MGST1: variants seen among roughly 807,000 people sequenced by gnomAD.
MGST1 encodes microsomal glutathione S-transferase 1.
Under a neutral mutation model 8.9 loss-of-function variants are expected in MGST1, and 5 were observed. The observed-to-expected ratio is 0.56, with a 90% CI of 0.29 to 1.19. The LOEUF is 1.19. MGST1 is among the 50% of genes most tolerant of loss of function. MGST1 has a pLI of 0.08. For synonymous variants in MGST1, 54 were observed against 67.8 expected (o/e 0.80, Z 1.00); for missense variants, 182 against 187.4 (o/e 0.97, Z 0.17).
At chr12:16,347,491 G>A (rs1341277360), upstream of MGST1, among the ~76,000 whole-genome samples, 1 of 152,116 alleles carries the variant, frequency 6.6e-6, no homozygotes, top group African/African-American at 2.4e-5. The surrounding 1 kb of genome is among the most constrained non-coding windows in gnomAD (Gnocchi z 4.0). Context: ...GGGCTCAAAG[G>A]GAATCAGCAG....
chr12:16,416,793 T>G lies in MGST1; in HGVS notation n.779-20595T>G, dbSNP rs59986151. Among the ~76,000 whole-genome samples the G allele has an allele frequency of 1.7e-3, 252 of 152,314 alleles. 1 individual carries two copies. Among genetic ancestry groups the G allele is most frequent in the African/African-American group, 5.8e-3 (242 of 41,582 alleles). ...GTTGTTGTAGACTGGAGAGAAGCAT[T>G]GAGAAAGAATTCTCAAAGATTGGAG... On this transcript the variant is annotated intron_variant and non_coding_transcript_variant, in intron 1 of 1. Transcript: ENST00000359720.
intron 4 of MGST1, among the ~76,000 whole-genome samples, chr12:16,445,716 G>A (rs1191169434): frequency 6.6e-6 from 1 of 151,906 alleles, no homozygotes; most frequent in Non-Finnish European, 1.5e-5. Flanking sequence ...CAGTCACGTG[G>A]CAGCTATAAT....
rs1940652766 is a variant in MGST1 at position 16,401,202 on chromosome 12, C to T, written n.778+17598C>T. Reference sequence around the variant, plus strand: ...TAGCTGGGCCATCCTCATCCATAAGCACTGTGTCACTAAGGAACAGGGCAT... The same window carrying T: ...TAGCTGGGCCATCCTCATCCATAAGTACTGTGTCACTAAGGAACAGGGCAT... On this transcript the variant is annotated intron_variant and non_coding_transcript_variant, in intron 1 of 1. Transcript: ENST00000359720. This position sits in a 1 kb window ranked among gnomAD's most constrained non-coding sequence, Gnocchi z 4.3. 5.8e-6 allele frequency: 9 copies of T among 1,558,252 alleles called. No homozygotes were observed. The Admixed American group carries it at 6.7e-5, about 12-fold the overall frequency.
chr12:16,443,575 T>C (rs1941055254), downstream of MGST1, among the ~76,000 whole-genome samples: 1 of 151,910 alleles, frequency 6.6e-6, no homozygotes, highest in African/African-American at 2.4e-5. Context: ...TAAATTAGTA[T>C]TTTTACAACA....
chr12:16,567,703 C>G (rs141003651), intron 4 of MGST1: 1 of 152,274 alleles, frequency 6.6e-6, no homozygotes, highest in Non-Finnish European at 1.5e-5. Context: ...GAAACCTACA[C>G]AGCCTGGATG....
intron 4 of MGST1, among the ~76,000 whole-genome samples, chr12:16,527,428 A>G (rs767683209): frequency 1.3e-5 from 2 of 152,014 alleles, no homozygotes; most frequent in Non-Finnish European, 2.9e-5. Context: ...CTGATAGGAT[A>G]TAGGTATGTT....
At chr12:16,466,902 A>C (rs1941259128) in intron 4 of MGST1, among the ~76,000 whole-genome samples, 4 of 151,886 alleles carry the variant, frequency 2.6e-5, no homozygotes, top group Admixed American at 2.6e-4. Context: ...GATAACTATC[A>C]CTCCCTTCCC....
At chr12:16,542,047 T>C (rs1427961731) in intron 4 of MGST1, among the ~76,000 whole-genome samples, 1 of 152,162 alleles carries the variant, frequency 6.6e-6, no homozygotes, top group African/African-American at 2.4e-5. Context: ...TTCATTCTCT[T>C]GGTCATCTGT....
chr12:16,592,675 T>TAAA (rs1387371561), downstream of MGST1, among the ~76,000 whole-genome samples: 1 of 151,872 alleles, frequency 6.6e-6, no homozygotes, highest in Non-Finnish European at 1.5e-5. Context: ...GAGCAGCTAA[T>TAAA]AAACAAAAAA....
rs1943309945 is a variant in MGST1, at chr12:16,586,070, G to A, written n.483-3458G>A. On this transcript the variant is annotated intron_variant and non_coding_transcript_variant, in intron 4 of 4. Coordinates refer to the MGST1 transcript ENST00000538857. This position sits in a 1 kb window ranked among gnomAD's most constrained non-coding sequence, Gnocchi z 4.3. ...CACAGGAAAACAGCAAAACCTTGAT[G>A]TACAATTCCATAAAAATTTTTGAGG... Among the ~76,000 whole-genome samples the A allele has an allele frequency of 6.6e-6, 1 of 152,072 alleles. No homozygotes were observed. The highest frequency in any genetic ancestry group is 1.5e-5 in the Non-Finnish European group (1 of 68,006).
chr12:16,581,560 C>A (rs1372018219), intron 4 of MGST1, among the ~76,000 whole-genome samples: 1 of 152,184 alleles, frequency 6.6e-6, no homozygotes, highest in Non-Finnish European at 1.5e-5. Flanking sequence ...AGTAAATCCT[C>A]AAGAAATATT....
Position 16,361,592 on chromosome 12 carries a change from C to T in MGST1, c.222-2203C>T, listed in dbSNP as rs768939594. ...GCTGCCGCTCCAGGAAGGAGTCTGTCGTTGGAGAAGAGGGGAGGGTTAGGA... is the reference window on the plus strand; with the variant it reads ...GCTGCCGCTCCAGGAAGGAGTCTGTTGTTGGAGAAGAGGGGAGGGTTAGGA... On this transcript the variant is annotated intron_variant, in intron 3 of 3. Coordinates refer to ENST00000396210, the MANE Select transcript of MGST1 (RefSeq NM_020300.5). This position sits in a 1 kb window ranked among gnomAD's most constrained non-coding sequence, Gnocchi z 4.2. 5.3e-5 allele frequency among the ~76,000 whole-genome samples: 8 copies of T among 152,174 alleles called. No homozygotes were observed. Among genetic ancestry groups the T allele is most frequent in the Admixed American group, 2.6e-4 (4 of 15,284 alleles).
intron 1 of MGST1, among the ~76,000 whole-genome samples, chr12:16,399,006 G>C (rs1367308340): frequency 2.0e-5 from 3 of 152,078 alleles, no homozygotes; most frequent in African/African-American, 7.2e-5. Context: ...GAAGAAAGAA[G>C]AATGAAACAA....
At chr12:16,522,181 G>A (rs556674940) in intron 4 of MGST1, among the ~76,000 whole-genome samples, 11 of 152,222 alleles carry the variant, frequency 7.2e-5, no homozygotes, top group African/African-American at 2.2e-4. Context: ...TCATCAGCTC[G>A]GGGATTGGAG....
intron 4 of MGST1, among the ~76,000 whole-genome samples, chr12:16,501,215 T>A (rs1163900481): frequency 2.0e-5 from 3 of 152,218 alleles, no homozygotes; most frequent in Admixed American, 1.3e-4. Flanking sequence ...AATTGACTTG[T>A]TTATGTTAAT....
intron 4 of MGST1, among the ~76,000 whole-genome samples, chr12:16,563,233 C>T (rs897221275): frequency 6.6e-6 from 1 of 152,082 alleles, no homozygotes; most frequent in Admixed American, 6.6e-5. Context: ...TACTGCAAAG[C>T]GATGCATTTG....
chr12:16,485,692 C>T (rs1941395193), intron 4 of MGST1, among the ~76,000 whole-genome samples: 1 of 152,062 alleles, frequency 6.6e-6, no homozygotes, highest in South Asian at 2.1e-4. Flanking sequence ...TTTAAATGGA[C>T]ATTAGAATAT....
chr12:16,411,643 G>T (rs1940744005), intron 1 of MGST1, among the ~76,000 whole-genome samples: 1 of 152,108 alleles, frequency 6.6e-6, no homozygotes, highest in Non-Finnish European at 1.5e-5. Flanking sequence ...GTAAATCCTA[G>T]TATGAACAGT....
intron 4 of MGST1, among the ~76,000 whole-genome samples, chr12:16,490,326 C>A (rs1403821386): frequency 6.6e-6 from 1 of 152,124 alleles, no homozygotes; most frequent in Non-Finnish European, 1.5e-5. Context: ...TTCCTTCTAC[C>A]ATGAGAACAG....
Sources: gnomAD v4.1 joint callset for allele counts (sites outside exome capture counted in the v4.1 genomes callset) on GRCh38, gnomAD v4.1.1 for gene constraint, Gnocchi (gnomAD v3.1) non-coding constraint, MANE v1.5 for transcripts, NCBI Gene and HGNC (gene_info 2026-07-23, HGNC 2026-07-21) for gene names.